TMCC1: variants seen among roughly 807,000 people sequenced by gnomAD.
TMCC1 encodes transmembrane and coiled-coil domains protein 1.
A neutral mutation model predicts 52.4 loss-of-function variants in TMCC1; 15 were observed. The ratio of observed to expected loss-of-function variants is 0.29; its 90% CI spans 0.19 to 0.44. TMCC1 has a LOEUF of 0.44. Among genes scored for constraint, TMCC1 ranks in the 20% least tolerant of loss-of-function variants. The probability of loss-of-function intolerance (pLI) is 1.00; values close to 1 mark genes in which losing one functional copy is unlikely to be tolerated. For synonymous variants in TMCC1, 279 were observed against 301.9 expected (o/e 0.92, Z 0.79); for missense variants, 503 against 806.0 (o/e 0.62, Z 4.55).
chr3:129,676,173 CTT>C (rs1252467549), intron 4 of TMCC1, among the ~76,000 whole-genome samples: 2 of 151,920 alleles, frequency 1.3e-5, no homozygotes, highest in Non-Finnish European at 2.9e-5. Flanking sequence ...AACAGGGTGT[CTT>C]TTTCTGACCA....
chr3:129,681,486 C>A (rs1009495735), intron 4 of TMCC1, among the ~76,000 whole-genome samples: 3 of 151,440 alleles, frequency 2.0e-5, no homozygotes, highest in African/African-American at 4.9e-5. Flanking sequence ...ATTACCAGAG[C>A]TATGTACTTA....
chr3:129,723,053 T>G (rs1160702980), intron 4 of TMCC1, among the ~76,000 whole-genome samples: 1 of 152,186 alleles, frequency 6.6e-6, no homozygotes, highest in Non-Finnish European at 1.5e-5. Context: ...AGTATTTATC[T>G]CTTAGAAAAT....
At chr3:129,796,455 T>G (rs1330262160) in intron 4 of TMCC1, among the ~76,000 whole-genome samples, 15 of 152,146 alleles carry the variant, frequency 9.9e-5, no homozygotes, top group Admixed American at 9.8e-4. Flanking sequence ...TCATGGAACA[T>G]ATCTCCTGTG....
At chr3:129,859,632 G>C (rs2060293974) in intron 2 of TMCC1, among the ~76,000 whole-genome samples, 1 of 143,220 alleles carries the variant, frequency 7.0e-6, no homozygotes, top group Non-Finnish European at 1.5e-5. Context: ...GAGAAACCCT[G>C]TCTCAAAACA....
intron 4 of TMCC1, among the ~76,000 whole-genome samples, chr3:129,736,196 A>C (rs2050944960): frequency 6.6e-6 from 1 of 152,222 alleles, no homozygotes; most frequent in African/African-American, 2.4e-5. Context: ...GAGGAGGATG[A>C]GCAAGTGATC....
chr3:129,651,409 G>T lies in TMCC1; in HGVS notation c.*72C>A. 6.8e-7 allele frequency: 1 copy of T among 1,475,736 alleles called. No individual in the cohort carries two copies. The highest frequency in any genetic ancestry group is 9.2e-7 in the Non-Finnish European group (1 of 1,089,324). The allele number at this position is 1,475,736 out of a possible 1,614,324, so 91.4% of individuals were successfully genotyped here. On this transcript the variant is annotated 3_prime_UTR_variant, in exon 7 of 7. Transcript: ENST00000393238. This position sits in a 1 kb window ranked among gnomAD's most constrained non-coding sequence, Gnocchi z 5.1. ...TTTTGTTGTAGAAAACTTCAGAGTA[G>T]GTAAGTTGCTGTCTAACTCTCTGCT...
intron 4 of TMCC1, among the ~76,000 whole-genome samples, chr3:129,822,331 T>C (rs535324988): frequency 6.6e-6 from 1 of 152,258 alleles, no homozygotes; most frequent in African/African-American, 2.4e-5. Flanking sequence ...TCCTAGCTAC[T>C]CAAGAGACTG....
At chr3:129,764,751 GTGTGTGTATATATATATATATATATA>G (rs2053937818) in intron 4 of TMCC1, among the ~76,000 whole-genome samples, 3 of 4,478 alleles carry the variant, frequency 6.7e-4, no homozygotes, top group East Asian at 0.028. Flanking sequence ...GTGTGTGTGT[GTGTGTGTATATATATATATATATATA>G]TATATATATA....
chr3:129,751,904 G>C (rs2052564035), intron 4 of TMCC1, among the ~76,000 whole-genome samples: 1 of 152,162 alleles, frequency 6.6e-6, no homozygotes, highest in Non-Finnish European at 1.5e-5. Context: ...TGAATTATCT[G>C]TAGGACTTCA....
intron 4 of TMCC1, among the ~76,000 whole-genome samples, chr3:129,816,451 G>A (rs2058101362): frequency 6.6e-6 from 1 of 152,090 alleles, no homozygotes; most frequent in African/African-American, 2.4e-5. Flanking sequence ...GATGGAAATG[G>A]AACTCATTTT....
At chr3:129,855,531 G>A (rs1172385650) in intron 2 of TMCC1, among the ~76,000 whole-genome samples, 1 of 151,818 alleles carries the variant, frequency 6.6e-6, no homozygotes. Context: ...GAGAAGAAAT[G>A]AGGGCAATGT....
In TMCC1 at chr3:129,670,755, T is replaced by C. The variant is rs761033451; in HGVS notation, c.1086A>G (p.Ala362=). 6.2e-7 allele frequency: 1 copy of C among 1,614,176 alleles called. No homozygotes were observed. The highest frequency in any genetic ancestry group is 8.5e-7 in the Non-Finnish European group (1 of 1,180,022). The change falls in exon 5 of 7, where the codon GCA becomes GCG. Residue 362 remains alanine (A), a synonymous_variant. Transcript: ENST00000393238. Reference sequence around the variant, plus strand: ...CTCTGGGCTTTGAGACTACAGCGCCTGCTGCTGAATGGGTGGCCTGGGAGA... The same window carrying C: ...CTCTGGGCTTTGAGACTACAGCGCCCGCTGCTGAATGGGTGGCCTGGGAGA... The part of the protein sequence containing the change: ...SSFSQATHSA[A]GAVVSKPREI...
At chr3:129,694,452 T>A (rs1408866955) in intron 4 of TMCC1, among the ~76,000 whole-genome samples, 2 of 152,230 alleles carry the variant, frequency 1.3e-5, no homozygotes, top group Non-Finnish European at 2.9e-5. Context: ...CTAGGTAAAG[T>A]CAGGTTAAGA....
intron 4 of TMCC1, among the ~76,000 whole-genome samples, chr3:129,808,372 C>T (rs2057587433): frequency 6.6e-6 from 1 of 151,928 alleles, no homozygotes; most frequent in Non-Finnish European, 1.5e-5. Flanking sequence ...ATCCTAGCTA[C>T]TCGGGAGGCT....
chr3:129,874,677 C>T (rs1040272129), intron 2 of TMCC1, among the ~76,000 whole-genome samples: 3 of 151,938 alleles, frequency 2.0e-5, no homozygotes, highest in African/African-American at 7.3e-5. Context: ...GGCAACATAG[C>T]AAGACCCCAT....
intron 4 of TMCC1, among the ~76,000 whole-genome samples, chr3:129,754,981 G>A (rs944186326): frequency 2.6e-5 from 4 of 152,088 alleles, no homozygotes; most frequent in Non-Finnish European, 5.9e-5. Context: ...GGGAGGCTGA[G>A]GCAGGAGAAT....
intron 4 of TMCC1, among the ~76,000 whole-genome samples, chr3:129,764,789 A>AT (rs543540842): frequency 2.9e-5 from 1 of 34,992 alleles, no homozygotes; most frequent in Non-Finnish European, 6.3e-5. Context: ...ATATATATAT[A>AT]TTTTTTTTTT....
chr3:129,787,629 A>G (rs1331817463), intron 4 of TMCC1, among the ~76,000 whole-genome samples: 1 of 152,200 alleles, frequency 6.6e-6, no homozygotes, highest in African/African-American at 2.4e-5. Flanking sequence ...ATTACAAGCA[A>G]TTTGGCATAA....
At chr3:129,704,499 A>T (rs149958754) in intron 4 of TMCC1, among the ~76,000 whole-genome samples, 1 of 152,164 alleles carries the variant, frequency 6.6e-6, no homozygotes, top group East Asian at 1.9e-4. Context: ...GCTCACTGCA[A>T]CCTCCGCCTC....
Sources: allele counts gnomAD v4.1 joint callset (sites outside exome capture counted in the v4.1 genomes callset), GRCh38; gene constraint gnomAD v4.1.1; non-coding constraint Gnocchi (gnomAD v3.1); transcripts MANE v1.5; gene names NCBI Gene and HGNC (gene_info 2026-07-23, HGNC 2026-07-21).